The following CDS1 variants were observed in gnomAD, a reference collection of about 807,000 sequenced individuals.
The protein encoded by CDS1 is phosphatidate cytidylyltransferase 1.
Under a neutral mutation model 62.1 loss-of-function variants are expected in CDS1, and 41 were observed. That is an observed-to-expected ratio of 0.66 (90% CI 0.51 to 0.86). The LOEUF is 0.86. Ranked by LOEUF, CDS1 falls within the 40% of genes least tolerant of loss-of-function variation. The pLI, the probability that CDS1 is intolerant of heterozygous loss-of-function variation, is 0.00. For missense variants in CDS1, 470 were observed against 550.1 expected, an observed-to-expected ratio of 0.85 and a Z score of 1.46; for synonymous variants, 185 against 192.6, an observed-to-expected ratio of 0.96 and a Z score of 0.32.
chr4:84,586,183 T>G (rs1722414071), intron 1 of CDS1, among the ~76,000 whole-genome samples: 1 of 152,184 alleles, frequency 6.6e-6, no homozygotes, highest in African/African-American at 2.4e-5. Flanking sequence ...CCAAATTTTT[T>G]GGCACCAGGG....
rs1231656362 is a variant in CDS1 at position 84,617,573 on chromosome 4, A to G, written c.352A>G (p.Ile118Val). 3.2e-6 allele frequency: 5 copies of G among 1,553,180 alleles called. No homozygotes were observed. The highest frequency in any genetic ancestry group is 4.4e-6 in the Non-Finnish European group (5 of 1,129,094). The change falls in exon 4 of 13, where the codon ATC becomes GTC. Residue 118 changes from isoleucine (I) to valine (V), a missense_variant. Coordinates refer to ENST00000295887, the MANE Select transcript of CDS1 (RefSeq NM_001263.4). ...TTTCTCTTGGTTTCAGGTTCTGGGC[A>G]TCCAAGTGAAATGCTTCCATGAAAT... Reference protein sequence around the residue: ...SFMLMLLVLGIQVKCFHEIIT... With the variant: ...SFMLMLLVLGVQVKCFHEIIT...
chr4:84,640,797 G>A lies in CDS1; in HGVS notation c.880-41G>A, dbSNP rs769768004. 4 of 1,443,694 alleles carry A rather than the reference G, an allele frequency of 2.8e-6. No individual in the cohort carries two copies. The South Asian group carries it at 4.8e-5, about 17-fold the overall frequency. 89.4% of individuals were successfully genotyped at this position (1,443,694 alleles called of 1,614,324 possible). A position where few individuals can be genotyped will look rare whatever the true frequency, so the allele number is the denominator to read the frequency against. On this transcript the variant is annotated intron_variant, in intron 9 of 12. Transcript: ENST00000295887. Reference sequence around the variant, plus strand: ...TTTAGTCAATGTGTTATGAACTTTTGCTTTGTTTTTTGTTTTGTTTTGTTT... The same window carrying A: ...TTTAGTCAATGTGTTATGAACTTTTACTTTGTTTTTTGTTTTGTTTTGTTT...
At chr4:84,640,109 C>T (rs115601320) in intron 9 of CDS1, among the ~76,000 whole-genome samples, 3,795 of 147,162 alleles carry the variant, frequency 0.026, 160 homozygotes, top group African/African-American at 0.089. Flanking sequence ...GAAGGAAATT[C>T]CACATCTATA....
intron 2 of CDS1, among the ~76,000 whole-genome samples, chr4:84,609,202 GAAAA>G (rs1182807458): frequency 8.7e-5 from 12 of 138,504 alleles, no homozygotes; most frequent in Non-Finnish European, 3.1e-5. Flanking sequence ...AAAAAAAAAA[GAAAA>G]GAAAAATTAT....
In CDS1 at chr4:84,633,904, C is replaced by T. The variant is rs371937807; in HGVS notation, c.687C>T (p.His229=). Residue 229 remains histidine, a synonymous_variant, in exon 7 of 13, where the codon CAC becomes CAT. Coordinates refer to ENST00000295887, the MANE Select transcript of CDS1 (RefSeq NM_001263.4). ...VTLLITVTQS[H]LVIQNLFEGM... ...TACTGATAACTGTCACTCAGTCACA[C>T]CTTGTCATCCAAAATCTGTTTGAAG... is the stretch of plus-strand genomic sequence containing the variant. 4 of 1,603,254 alleles carry T rather than the reference C, an allele frequency of 2.5e-6. No individual in the cohort carries two copies. The African/African-American group carries it at 5.4e-5, about 22-fold the overall frequency.
chr4:84,618,220 T>TC (rs1245968970), intron 4 of CDS1, among the ~76,000 whole-genome samples: 1 of 152,104 alleles, frequency 6.6e-6, no homozygotes, highest in Non-Finnish European at 1.5e-5. Context: ...CAAGTGGCCA[T>TC]CCTTTTTAAT....
chr4:84,596,873 G>T (rs767305608), intron 1 of CDS1, among the ~76,000 whole-genome samples: 1 of 152,032 alleles, frequency 6.6e-6, no homozygotes, highest in African/African-American at 2.4e-5. Flanking sequence ...GAAGAATACC[G>T]TAGCACAATA....
intron 2 of CDS1, among the ~76,000 whole-genome samples, chr4:84,605,633 G>A (rs1000859205): frequency 6.6e-6 from 1 of 152,026 alleles, no homozygotes; most frequent in African/African-American, 2.4e-5. Context: ...ATCTCATCAA[G>A]TCTATCTCAG....
chr4:84,626,978 A>C (rs1723881532), intron 5 of CDS1, among the ~76,000 whole-genome samples: 1 of 152,210 alleles, frequency 6.6e-6, no homozygotes, highest in South Asian at 2.1e-4. Flanking sequence ...AAATGGAGTT[A>C]GACTTTGAAA....
intron 5 of CDS1, among the ~76,000 whole-genome samples, chr4:84,629,445 GTC>G (rs1325239567): frequency 6.6e-6 from 1 of 151,672 alleles, no homozygotes; most frequent in East Asian, 1.9e-4. Flanking sequence ...GAAAAATACA[GTC>G]TAACAATTAT....
At chr4:84,606,174 A>G (rs1345266066) in intron 2 of CDS1, among the ~76,000 whole-genome samples, 1 of 152,158 alleles carries the variant, frequency 6.6e-6, no homozygotes, top group African/African-American at 2.4e-5. Flanking sequence ...TTGTAGATAC[A>G]TAGGATTAAA....
intron 6 of CDS1, among the ~76,000 whole-genome samples, chr4:84,633,308 C>A (rs1170287812): frequency 1.3e-5 from 2 of 152,162 alleles, no homozygotes; most frequent in Non-Finnish European, 2.9e-5. Context: ...AAATTGAATA[C>A]TGTCATTGAA....
In CDS1 at chr4:84,602,589, G is replaced by A. The variant is rs559976216; in HGVS notation, c.118-1654G>A. 2.0e-5 allele frequency among the ~76,000 whole-genome samples: 3 copies of A among 152,124 alleles called. No individual in the cohort carries two copies. In the South Asian group the frequency reaches 6.2e-4, roughly 32 times the overall value. On this transcript the variant is annotated intron_variant, in intron 1 of 12. Coordinates refer to ENST00000295887, the MANE Select transcript of CDS1 (RefSeq NM_001263.4). ...TCTCATGCTCTTTTTGTAGGATGGT[G>A]ATACTGCCCTAGAGAACCACTTCCA...
At chr4:84,588,811 T>G (rs746820357) in intron 1 of CDS1, among the ~76,000 whole-genome samples, 4 of 152,234 alleles carry the variant, frequency 2.6e-5, no homozygotes, top group Non-Finnish European at 5.9e-5. Context: ...TTGGAGAAGT[T>G]GCAAATCTTG....
chr4:84,589,546 A>G (rs1722516965), intron 1 of CDS1, among the ~76,000 whole-genome samples: 1 of 152,224 alleles, frequency 6.6e-6, no homozygotes, highest in African/African-American at 2.4e-5. Context: ...CTAATTGTTG[A>G]TAAATTATCA....
chr4:84,584,629 T>G (rs1250348106), intron 1 of CDS1, among the ~76,000 whole-genome samples: 1 of 152,212 alleles, frequency 6.6e-6, no homozygotes, highest in Non-Finnish European at 1.5e-5. Flanking sequence ...GTTGATGAGT[T>G]TGATGTAACC....
At chr4:84,638,850 TA>T in intron 8 of CDS1, 73 bp from the exon 9 acceptor site, 1 of 315,978 alleles carries the variant, frequency 3.2e-6, no homozygotes. Context: ...AAATAGTTTA[TA>T]TATATATATA....
At chr4:84,596,362 C>T (rs946621669) in intron 1 of CDS1, among the ~76,000 whole-genome samples, 2 of 152,176 alleles carry the variant, frequency 1.3e-5, no homozygotes, top group African/African-American at 4.8e-5. Context: ...GTGAAGATGT[C>T]CCGGTAGGAC....
Position 84,638,268 on chromosome 4 carries a change from C to T in CDS1, c.811-656C>T, listed in dbSNP as rs185769377. 3.3e-5 allele frequency among the ~76,000 whole-genome samples: 5 copies of T among 152,292 alleles called. No homozygotes were observed. In the East Asian group the frequency reaches 9.6e-4, roughly 29 times the overall value. On this transcript the variant is annotated intron_variant, in intron 8 of 12. Transcript: ENST00000295887. The stretch of plus-strand genomic sequence containing the variant: ...CTGGGCAGCAATAGCCTGAATCCAA[C>T]ACAAACAATATCTCTTCTTTGAAGT...
Sources: gnomAD v4.1 joint callset for allele counts (sites outside exome capture counted in the v4.1 genomes callset) on GRCh38, gnomAD v4.1.1 for gene constraint, MANE v1.5 for transcripts, NCBI Gene and HGNC (gene_info 2026-07-23, HGNC 2026-07-21) for gene names.